PDE9A: variants seen among roughly 807,000 people sequenced by gnomAD.
The protein encoded by PDE9A is phosphodiesterase 9A.
Under a neutral mutation model 87.4 loss-of-function variants are expected in PDE9A, and 60 were observed. The observed-to-expected ratio is 0.69, with a 90% CI of 0.56 to 0.85. The LOEUF (loss-of-function observed/expected upper bound fraction) is 0.85. Among genes scored for constraint, PDE9A ranks in the 40% least tolerant of loss-of-function variants. The probability of loss-of-function intolerance (pLI) is 0.00; values close to 1 mark genes in which losing one functional copy is unlikely to be tolerated. For missense variants in PDE9A, 665 were observed against 779.0 expected, an observed-to-expected ratio of 0.85 and a Z score of 1.74; for synonymous variants, 272 against 279.4, an observed-to-expected ratio of 0.97 and a Z score of 0.27.
At chr21:42,774,861 A>G (rs1235225939) in intron 19 of PDE9A, among the ~76,000 whole-genome samples, 1 of 140,666 alleles carries the variant, frequency 7.1e-6, no homozygotes, top group Non-Finnish European at 1.6e-5. Context: ...CAACCTGGGC[A>G]ACAGAGCAAG....
intron 7 of PDE9A, among the ~76,000 whole-genome samples, chr21:42,743,532 G>A (rs927201777): frequency 3.3e-5 from 5 of 152,200 alleles, no homozygotes; most frequent in Non-Finnish European, 4.4e-5. Context: ...AAAACTGCCC[G>A]GATGGATGCG....
chr21:42,741,005 G>T (rs2053190342), intron 7 of PDE9A: 1 of 152,116 alleles, frequency 6.6e-6, no homozygotes, highest in African/African-American at 2.4e-5. Flanking sequence ...TTAAGACATA[G>T]TCAATGGTCC....
intron 9 of PDE9A, among the ~76,000 whole-genome samples, chr21:42,751,937 GAC>G (rs1229594275): frequency 2.0e-5 from 3 of 151,842 alleles, no homozygotes; most frequent in Non-Finnish European, 4.4e-5. Flanking sequence ...TTTTAGTAGA[GAC>G]AGGGTTTCAC....
At chr21:42,681,439 C>T (rs895618532) in intron 1 of PDE9A, among the ~76,000 whole-genome samples, 6 of 152,158 alleles carry the variant, frequency 3.9e-5, no homozygotes, top group African/African-American at 1.4e-4. Context: ...TGCGTGGGAG[C>T]CACACACATC....
intron 4 of PDE9A, among the ~76,000 whole-genome samples, chr21:42,731,358 G>A (rs2051717241): frequency 6.6e-6 from 1 of 151,854 alleles, no homozygotes; most frequent in African/African-American, 2.4e-5. Context: ...TGGGCTCTCG[G>A]TGTTCTGGGG....
At chr21:42,766,061 G>A (rs2056369040) in intron 15 of PDE9A, among the ~76,000 whole-genome samples, 1 of 152,234 alleles carries the variant, frequency 6.6e-6, no homozygotes, top group Admixed American at 6.5e-5. Context: ...ACCAGAGCAC[G>A]ACTCATGCCT....
intron 4 of PDE9A, among the ~76,000 whole-genome samples, chr21:42,729,258 G>A (rs937587312): frequency 6.6e-6 from 1 of 152,100 alleles, no homozygotes; most frequent in African/African-American, 2.4e-5. Flanking sequence ...TTTTATTGAA[G>A]ATGTCAGAGT....
At position 42,702,939 on chromosome 21, in the gene PDE9A, C is replaced by T. The variant is rs1179731628; in HGVS notation, c.262+3928C>T. Among the ~76,000 whole-genome samples, 2 of 152,274 alleles carry T rather than the reference C, an allele frequency of 1.3e-5. No individual in the cohort carries two copies. Among genetic ancestry groups the T allele is most frequent in the East Asian group, 3.9e-4 (2 of 5,174 alleles). On this transcript the variant is annotated intron_variant, in intron 4 of 19. Coordinates refer to ENST00000291539, the MANE Select transcript of PDE9A (RefSeq NM_002606.3). This position sits in a 1 kb window ranked among gnomAD's most constrained non-coding sequence, Gnocchi z 4.9. ...TCACATTTGTGTTTTAAATCTTGCT[C>T]AGGGCGCTGGGTCGAGATCACGAAA...
At chr21:42,774,881 C>A (rs865943558) in intron 19 of PDE9A, among the ~76,000 whole-genome samples, 234 of 112,278 alleles carry the variant, frequency 2.1e-3, no homozygotes, top group South Asian at 2.2e-3. Context: ...GACTCCATCT[C>A]AAAAAAAAAA....
At position 42,704,192 on chromosome 21, in the gene PDE9A, C is replaced by T. The variant is rs1046758415; in HGVS notation, c.262+5181C>T. On this transcript the variant is annotated intron_variant, in intron 4 of 19. Transcript: ENST00000291539. The surrounding 1 kb of genome is among the most constrained non-coding windows in gnomAD (Gnocchi z 5.3). ...CGGAAGGCCAGGCTGGGTGTCCCTC[C>T]GGGCCAGCCGAGGAGCGCTGCGCTT... Among the ~76,000 whole-genome samples, 5 of 152,176 alleles carry T rather than the reference C, an allele frequency of 3.3e-5. No homozygotes were observed. Among genetic ancestry groups the T allele is most frequent in the Non-Finnish European group, 5.9e-5 (4 of 68,032 alleles).
chr21:42,701,508 C>G (rs184072220), intron 4 of PDE9A, among the ~76,000 whole-genome samples: 179 of 151,752 alleles, frequency 1.2e-3, no homozygotes, highest in African/African-American at 4.3e-3. Flanking sequence ...GCGGTCATAG[C>G]TCACGACAGC....
chr21:42,714,036 T>TC (rs2049596984), intron 4 of PDE9A, among the ~76,000 whole-genome samples: 1 of 148,050 alleles, frequency 6.8e-6, no homozygotes, highest in African/African-American at 2.5e-5. Flanking sequence ...TTTTTTTTTT[T>TC]GAGATGGAGT....
rs200831360 is a variant in PDE9A, at chr21:42,751,212, C to T, written c.735+15C>T. On this transcript the variant is annotated intron_variant, in intron 9 of 19. Coordinates refer to ENST00000291539, the MANE Select transcript of PDE9A (RefSeq NM_002606.3). ...CTTACCCCAAGGTAAGATGAGATTC[C>T]GGCCCAGAAGAAGCTGCAGCTGTGT... is the stretch of plus-strand genomic sequence containing the variant. 902 of 1,584,494 alleles carry T rather than the reference C, an allele frequency of 5.7e-4. 5 individuals carry two copies. The highest frequency in any genetic ancestry group is 4.4e-3 in the African/African-American group (331 of 74,410).
Position 42,687,989 on chromosome 21 carries a change from A to C in PDE9A, c.213A>C (p.Ser71=), listed in dbSNP as rs2146197205. The C allele has an allele frequency of 6.2e-7, 1 of 1,612,232 alleles. No homozygotes were observed. ...TCGACCCCACCATGCCCGCGAATTC[A>C]GAACGGTAAGAGGCTCCGGCCGCGC... is the stretch of plus-strand genomic sequence containing the variant. The part of the protein sequence containing the change: ...VSIDPTMPAN[S]ERTPYKVRPV... Residue 71 remains serine (S), a synonymous_variant, in exon 3 of 20, where the codon TCA becomes TCC. Transcript: ENST00000291539.
At position 42,765,382 on chromosome 21, in the gene PDE9A, G is replaced by A. The variant is rs201281940; in HGVS notation, c.1244G>A (p.Gly415Glu). ...ACACGTTGTTCTCTCGCTATTTAGGGAATGATCACATTAATCTTGGCCACT... is the reference window on the plus strand; with the variant it reads ...ACACGTTGTTCTCTCGCTATTTAGGAAATGATCACATTAATCTTGGCCACT... The part of the protein sequence containing the change: ...PPDGFKQIRQ[G>E]MITLILATDM... The change falls in exon 15 of 20, where the codon GGA (glycine) becomes GAA (glutamate). Residue 415 changes from glycine (G) to glutamate (E), a missense_variant and splice_region_variant. Coordinates refer to ENST00000291539, the MANE Select transcript of PDE9A (RefSeq NM_002606.3). 5 of 1,573,400 alleles carry A rather than the reference G, an allele frequency of 3.2e-6. No homozygotes were observed. Among genetic ancestry groups the A allele is most frequent in the Admixed American group, 3.3e-5 (2 of 59,878 alleles).
In PDE9A at chr21:42,687,971, C is replaced by T. The variant is rs747882595; in HGVS notation, c.195C>T (p.Pro65=). 4 of 1,613,158 alleles carry T rather than the reference C, an allele frequency of 2.5e-6. No individual in the cohort carries two copies. The highest frequency in any genetic ancestry group is 3.4e-6 in the Non-Finnish European group (4 of 1,179,968). ...TTDDAMVSID[P]TMPANSERTP... ...ACGACGCCATGGTCTCCATCGACCC[C>T]ACCATGCCCGCGAATTCAGAACGGT... The change falls in exon 3 of 20, where the codon CCC becomes CCT. Residue 65 remains proline, a synonymous_variant. Transcript: ENST00000291539.
rs554945425 is a variant in PDE9A, at chr21:42,660,727, C to T, written c.69+6844C>T. ...GCGCATGCCTGTATTCCTGGCACTG[C>T]GGGCACAGTCATGCCATGGGCACCA... On this transcript the variant is annotated intron_variant, in intron 1 of 19. Transcript: ENST00000291539. The surrounding 1 kb of genome is among the most constrained non-coding windows in gnomAD (Gnocchi z 4.7). Among the ~76,000 whole-genome samples, 2 of 152,226 alleles carry T rather than the reference C, an allele frequency of 1.3e-5. No individual in the cohort carries two copies. The highest frequency in any genetic ancestry group is 2.1e-4 in the South Asian group (1 of 4,816).
chr21:42,704,433 A>AACACACACACACACACACACACACACAC lies in PDE9A; in HGVS notation c.262+5432_262+5459dup, dbSNP rs34581078. On this transcript the variant is annotated intron_variant, in intron 4 of 19. Coordinates refer to ENST00000291539, the MANE Select transcript of PDE9A (RefSeq NM_002606.3). The surrounding 1 kb of genome is among the most constrained non-coding windows in gnomAD (Gnocchi z 5.3). ...CAGGTAGACCCCCCCCACCCCACCA[A>AACACACACACACACACACACACACACAC]ACACACACACACACACACACACACA... is the stretch of plus-strand genomic sequence containing the variant. Among the ~76,000 whole-genome samples, 2 of 137,040 alleles carry AACACACACACACACACACACACACACAC rather than the reference A, an allele frequency of 1.5e-5. No homozygotes were observed. The highest frequency in any genetic ancestry group is 5.5e-5 in the African/African-American group (2 of 36,246). The allele number at this position is 137,040 out of a possible 152,430, so 89.9% of individuals were successfully genotyped here. A position where few individuals can be genotyped will look rare whatever the true frequency, so the allele number is the denominator to read the frequency against.
rs555227432 is a variant in PDE9A, at chr21:42,724,276, G to A, written c.263-7494G>A. The stretch of plus-strand genomic sequence containing the variant: ...AAACTGGGGCCCTCAGTGGGCATCC[G>A]TGATGCGGAAACACTAATAATGCCA... On this transcript the variant is annotated intron_variant, in intron 4 of 19. Coordinates refer to ENST00000291539, the MANE Select transcript of PDE9A (RefSeq NM_002606.3). 1.7e-4 allele frequency among the ~76,000 whole-genome samples: 26 copies of A among 152,346 alleles called. No individual in the cohort carries two copies. The South Asian group carries it at 4.8e-3, about 28-fold the overall frequency.
Sources: gnomAD v4.1 joint callset for allele counts (sites outside exome capture counted in the v4.1 genomes callset) on GRCh38, gnomAD v4.1.1 for gene constraint, Gnocchi (gnomAD v3.1) non-coding constraint, MANE v1.5 for transcripts, NCBI Gene and HGNC (gene_info 2026-07-23, HGNC 2026-07-21) for gene names.